C5orf63: variants seen among roughly 807,000 people sequenced by gnomAD.
C5orf63 encodes the protein chromosome 5 open reading frame 63.
A neutral mutation model predicts 13.3 loss-of-function variants in C5orf63; 18 were observed. The observed-to-expected ratio is 1.36, with a 90% CI of 0.94 to 2.01. The LOEUF is 2.01. Ranked by LOEUF, C5orf63 falls within the 30% of genes most tolerant of loss-of-function variation. C5orf63 has a pLI of 0.00. For synonymous variants in C5orf63, 38 were observed against 44.7 expected, an observed-to-expected ratio of 0.85 and a Z score of 0.60; for missense variants, 118 against 127.7, an observed-to-expected ratio of 0.92 and a Z score of 0.36.
At position 127,051,785 on chromosome 5, in the gene C5orf63, T is replaced by C; in HGVS notation, c.334A>G (p.Ser112Gly). The C allele has an allele frequency of 6.6e-7, 1 of 1,522,192 alleles. No homozygotes were observed. Among genetic ancestry groups the C allele is most frequent in the Non-Finnish European group, 8.8e-7 (1 of 1,140,422 alleles). The allele number at this position is 1,522,192 out of a possible 1,614,324, so 94.3% of individuals were successfully genotyped here. Residue 112 changes from serine (S) to glycine (G), a missense_variant, in exon 5 of 5, where the codon AGT becomes GGT. Physicochemically the swap from Ser to Gly is moderately conservative, Grantham distance 56 (BLOSUM62 0). Transcript: ENST00000296662. ...GAGGGCATCAGTCAGCCTCCAGTAC[T>C]TTGCTGCTCAAGTTTCAGGAGCTGT... ...EKQLLKLEQQ[S>G]TGG
At chr5:127,062,853 T>A (rs1341457764) in intron 2 of C5orf63, among the ~76,000 whole-genome samples, 2 of 152,230 alleles carry the variant, frequency 1.3e-5, no homozygotes, top group African/African-American at 4.8e-5. Context: ...TTTTTGATTA[T>A]GTCATTGAAT....
intron 2 of C5orf63, among the ~76,000 whole-genome samples, chr5:127,059,914 G>A (rs1468290652): frequency 2.6e-5 from 4 of 152,010 alleles, no homozygotes; most frequent in Non-Finnish European, 5.9e-5. Flanking sequence ...GGGAGGCCAA[G>A]GCATCACCTG....
chr5:127,055,355 T>A (rs1283622013), intron 3 of C5orf63, among the ~76,000 whole-genome samples: 1 of 152,174 alleles, frequency 6.6e-6, no homozygotes, highest in African/African-American at 2.4e-5. Context: ...GACTTCAAAC[T>A]ATATTACAAG....
At position 127,066,599 on chromosome 5, in the gene C5orf63, G is replaced by T. The variant is rs754122976; in HGVS notation, c.-8+4985C>A. On this transcript the variant is annotated intron_variant, in intron 2 of 4. Coordinates refer to ENST00000296662, the MANE Select transcript of C5orf63 (RefSeq NM_001164478.2). The stretch of plus-strand genomic sequence containing the variant: ...AAAACTGAGGCAAGAACAGATTGAA[G>T]AATATGTCGGACCAAGAGCTCGGTT... Among the ~76,000 whole-genome samples, 9 of 152,070 alleles carry T rather than the reference G, an allele frequency of 5.9e-5. 1 individual carries two copies. The highest frequency in any genetic ancestry group is 1.0e-4 in the Non-Finnish European group (7 of 68,004).
intron 2 of C5orf63, among the ~76,000 whole-genome samples, chr5:127,060,960 C>T (rs1031241604): frequency 1.3e-5 from 2 of 152,148 alleles, no homozygotes; most frequent in Admixed American, 6.5e-5. Flanking sequence ...TCCAAGTACC[C>T]ACAATTAACC....
downstream of C5orf63, chr5:127,047,773 C>T: frequency 1.4e-6 from 1 of 703,906 alleles, no homozygotes; most frequent in Non-Finnish European, 2.6e-6. Flanking sequence ...TGCATCTAAT[C>T]CCATGTCATA....
intron 3 of C5orf63, 51 bp from the exon 4 acceptor site, chr5:127,052,720 C>A: frequency 2.9e-6 from 4 of 1,392,068 alleles, no homozygotes; most frequent in Non-Finnish European, 3.7e-6. Flanking sequence ...ATGGCATTTG[C>A]CCTTACAAAA....
intron 2 of C5orf63, among the ~76,000 whole-genome samples, chr5:127,069,684 C>CTGAATG (rs1754461338): frequency 6.6e-6 from 1 of 152,280 alleles, no homozygotes; most frequent in East Asian, 1.9e-4. Context: ...AGTCTTCAAT[C>CTGAATG]TGAATGTTGG....
chr5:127,072,447 G>A (rs1179682275), intron 1 of C5orf63, among the ~76,000 whole-genome samples: 4 of 152,138 alleles, frequency 2.6e-5, no homozygotes, highest in Non-Finnish European at 5.9e-5. Flanking sequence ...AGAAGACTGC[G>A]ACCTCTAATA....
At chr5:127,046,165 G>C (rs1489509364) in exon 5 of C5orf63, 1 of 152,324 alleles carries the variant, frequency 6.6e-6, no homozygotes, top group East Asian at 1.9e-4. Context: ...CCACAAGCAT[G>C]GAGAATTCAC....
chr5:127,060,030 C>A (rs757063654), intron 2 of C5orf63, among the ~76,000 whole-genome samples: 1 of 151,962 alleles, frequency 6.6e-6, no homozygotes, highest in African/African-American at 2.4e-5. Context: ...CCCAGCTACT[C>A]GGGAGGCTGA....
chr5:127,050,841 G>A (rs943554519), downstream of C5orf63, among the ~76,000 whole-genome samples: 4 of 152,066 alleles, frequency 2.6e-5, no homozygotes, highest in African/African-American at 7.2e-5. Flanking sequence ...GAATTGCAGT[G>A]GTAAGATTTT....
At chr5:127,063,990 G>A (rs1754216832) in intron 2 of C5orf63, among the ~76,000 whole-genome samples, 1 of 152,130 alleles carries the variant, frequency 6.6e-6, no homozygotes, top group Admixed American at 6.5e-5. Flanking sequence ...GGACACATCT[G>A]GGTCACTGGG....
At chr5:127,067,991 G>A (rs1015987473) in intron 2 of C5orf63, among the ~76,000 whole-genome samples, 14 of 152,150 alleles carry the variant, frequency 9.2e-5, no homozygotes, top group Non-Finnish European at 1.3e-4. Context: ...TAGAGTTTCC[G>A]TTGAAATTCA....
intron 2 of C5orf63, among the ~76,000 whole-genome samples, chr5:127,060,500 A>C (rs1754061618): frequency 1.3e-5 from 2 of 152,186 alleles, no homozygotes. Context: ...TAAATATTAT[A>C]ATTTCACTTT....
intron 4 of C5orf63, among the ~76,000 whole-genome samples, chr5:127,052,174 G>A (rs188846495): frequency 2.0e-4 from 31 of 152,290 alleles, no homozygotes; most frequent in African/African-American, 7.5e-4. Flanking sequence ...GTTACATTCA[G>A]CATCAGGACA....
intron 3 of C5orf63, among the ~76,000 whole-genome samples, chr5:127,055,705 C>G (rs1753857390): frequency 6.6e-6 from 1 of 152,002 alleles, no homozygotes; most frequent in African/African-American, 2.4e-5. Flanking sequence ...GAGAAAGTTT[C>G]AAAAACTCAA....
chr5:127,068,565 G>T (rs981865930), intron 2 of C5orf63, among the ~76,000 whole-genome samples: 1 of 152,176 alleles, frequency 6.6e-6, no homozygotes, highest in South Asian at 2.1e-4. Context: ...TTTTAAAGAT[G>T]ATTTTAAATG....
intron 2 of C5orf63, among the ~76,000 whole-genome samples, chr5:127,059,429 G>A (rs528800389): frequency 6.6e-6 from 1 of 152,132 alleles, no homozygotes; most frequent in Admixed American, 6.6e-5. Context: ...CACTGCCATG[G>A]TAAAGAAAAC....
Sources: allele counts gnomAD v4.1 joint callset (sites outside exome capture counted in the v4.1 genomes callset), GRCh38; gene constraint gnomAD v4.1.1; transcripts MANE v1.5; gene names NCBI Gene and HGNC (gene_info 2026-07-23, HGNC 2026-07-21).